CCDC148: variants seen among roughly 807,000 people sequenced by gnomAD.
CCDC148 encodes coiled-coil domain containing 148.
Under a neutral mutation model 85.7 loss-of-function variants are expected in CCDC148, and 89 were observed. The observed-to-expected ratio is 1.04, with a 90% CI of 0.87 to 1.24. The LOEUF (loss-of-function observed/expected upper bound fraction) is 1.24. CCDC148 is among the 50% of genes most tolerant of loss of function. CCDC148 has a pLI of 0.00. For missense variants in CCDC148, 692 were observed against 671.7 expected (o/e 1.03, Z -0.33); for synonymous variants, 230 against 213.9 (o/e 1.08, Z -0.66).
At chr2:158,246,348 G>C (rs531244071) in intron 10 of CCDC148, among the ~76,000 whole-genome samples, 1 of 152,292 alleles carries the variant, frequency 6.6e-6, no homozygotes, top group East Asian at 1.9e-4. Context: ...TTAAAACAAA[G>C]ATAATCTAGG....
At chr2:158,298,894 G>A (rs1414192377) in intron 9 of CCDC148, among the ~76,000 whole-genome samples, 1 of 151,882 alleles carries the variant, frequency 6.6e-6, no homozygotes, top group Non-Finnish European at 1.5e-5. Flanking sequence ...TGATTTTCCT[G>A]TTTCTTTGAG....
At chr2:158,366,400 C>A (rs1684205487) in intron 1 of CCDC148, among the ~76,000 whole-genome samples, 1 of 151,924 alleles carries the variant, frequency 6.6e-6, no homozygotes, top group Non-Finnish European at 1.5e-5. Flanking sequence ...AAGAAATTAC[C>A]TAAATTGAAG....
chr2:158,317,496 A>G (rs1692335302), intron 7 of CCDC148, among the ~76,000 whole-genome samples: 2 of 152,212 alleles, frequency 1.3e-5, no homozygotes, highest in East Asian at 1.9e-4. Flanking sequence ...GACAAAACAG[A>G]TAATTCAGAA....
At chr2:158,294,093 C>T (rs1254573535) in intron 9 of CCDC148, among the ~76,000 whole-genome samples, 1 of 147,576 alleles carries the variant, frequency 6.8e-6, no homozygotes, top group Non-Finnish European at 1.5e-5. Flanking sequence ...CCATCCCCAC[C>T]CCGCCAAGTC....
intron 10 of CCDC148, among the ~76,000 whole-genome samples, chr2:158,237,898 T>C (rs1417839809): frequency 1.3e-5 from 2 of 152,076 alleles, no homozygotes; most frequent in Admixed American, 6.6e-5. Flanking sequence ...AAAGAAAGAA[T>C]GGCTTCCTAG....
intron 10 of CCDC148, among the ~76,000 whole-genome samples, chr2:158,228,502 T>A (rs10193870): frequency 0.064 from 9,774 of 152,168 alleles, 993 homozygotes; most frequent in African/African-American, 0.22. Flanking sequence ...TAAAGACACA[T>A]GCATACGTAT....
At chr2:158,215,313 A>G (rs1686791003) in intron 11 of CCDC148, among the ~76,000 whole-genome samples, 3 of 152,208 alleles carry the variant, frequency 2.0e-5, no homozygotes, top group Admixed American at 2.0e-4. Context: ...ATACTATTTT[A>G]AAAGAATTAG....
At chr2:158,439,117 C>T (rs1289901942) in intron 1 of CCDC148, among the ~76,000 whole-genome samples, 1 of 152,132 alleles carries the variant, frequency 6.6e-6, no homozygotes, top group Non-Finnish European at 1.5e-5. Context: ...CCAGCCATCC[C>T]ATTACTGGGT....
chr2:158,244,796 C>G (rs1688501420), intron 10 of CCDC148, among the ~76,000 whole-genome samples: 1 of 152,106 alleles, frequency 6.6e-6, no homozygotes, highest in South Asian at 2.1e-4. Flanking sequence ...CAGGCCACGG[C>G]TGGAGGGTGA....
Position 158,339,049 on chromosome 2 carries a change from C to T in CCDC148, c.523G>A (p.Glu175Lys), listed in dbSNP as rs747632099. 1.9e-5 allele frequency: 30 copies of T among 1,613,750 alleles called. No individual in the cohort carries two copies. In the South Asian group the frequency reaches 3.2e-4, roughly 17 times the overall value. The change falls in exon 6 of 14, where the codon GAA becomes AAA. Residue 175 changes from glutamate to lysine, a missense_variant. Glu to Lys is a moderately conservative substitution (Grantham distance 56, BLOSUM62 1). Transcript: ENST00000283233. Reference protein sequence around the residue: ...FVKKQLKTVFERLRLEQQRIE... With the variant: ...FVKKQLKTVFKRLRLEQQRIE... Reference sequence around the variant, plus strand: ...CTCTGTTGCTCCAGCCTAAGTCTTTCAAAGACAGTTTTCAATTGTTTCTTC... The same window carrying T: ...CTCTGTTGCTCCAGCCTAAGTCTTTTAAAGACAGTTTTCAATTGTTTCTTC...
At chr2:158,180,923 T>C (rs1558961716) in intron 11 of CCDC148, among the ~76,000 whole-genome samples, 1 of 152,058 alleles carries the variant, frequency 6.6e-6, no homozygotes, top group Admixed American at 6.6e-5. Flanking sequence ...TCAAGACACA[T>C]AGATTAAAGA....
At chr2:158,339,955 G>C (rs1682591241) in intron 5 of CCDC148, among the ~76,000 whole-genome samples, 1 of 152,104 alleles carries the variant, frequency 6.6e-6, no homozygotes, top group African/African-American at 2.4e-5. Context: ...CCCTGTGCTG[G>C]GGTAAGATCC....
chr2:158,304,601 A>C (rs1691595712), intron 9 of CCDC148, among the ~76,000 whole-genome samples: 1 of 152,180 alleles, frequency 6.6e-6, no homozygotes, highest in Non-Finnish European at 1.5e-5. Flanking sequence ...ATAGGGCACA[A>C]AAAAGATTGA....
intron 8 of CCDC148, among the ~76,000 whole-genome samples, chr2:158,313,008 T>A (rs1391126025): frequency 6.6e-6 from 1 of 152,214 alleles, no homozygotes; most frequent in African/African-American, 2.4e-5. Context: ...TTTAAAACAA[T>A]TACAAAAATG....
At chr2:158,262,500 T>A (rs1689274119) in intron 9 of CCDC148, among the ~76,000 whole-genome samples, 1 of 151,936 alleles carries the variant, frequency 6.6e-6, no homozygotes, top group Non-Finnish European at 1.5e-5. Flanking sequence ...CATGTACCCC[T>A]GTATTAGTCT....
chr2:158,266,868 GTATTTACATATATATATATT>G (rs1223314418), intron 9 of CCDC148, among the ~76,000 whole-genome samples: 18 of 144,892 alleles, frequency 1.2e-4, no homozygotes, highest in African/African-American at 4.0e-4. Context: ...GTGTGTGTGT[GTATTTACATATATATATATT>G]TATTTACATA....
At chr2:158,189,352 ATGTGTAAGGAAATC>A (rs1410581843) in intron 11 of CCDC148, among the ~76,000 whole-genome samples, 1 of 151,884 alleles carries the variant, frequency 6.6e-6, no homozygotes, top group Non-Finnish European at 1.5e-5. Flanking sequence ...CACATCTTCT[ATGTGTAAGGAAATC>A]TGTGTCTTTT....
chr2:158,294,115 C>T (rs956200436), intron 9 of CCDC148, among the ~76,000 whole-genome samples: 3 of 148,550 alleles, frequency 2.0e-5, no homozygotes, highest in Non-Finnish European at 4.5e-5. Context: ...TCTGCAAAGA[C>T]TGATTTATTT....
chr2:158,242,833 C>T (rs1688409433), intron 10 of CCDC148, among the ~76,000 whole-genome samples: 1 of 152,066 alleles, frequency 6.6e-6, no homozygotes, highest in African/African-American at 2.4e-5. Flanking sequence ...TGCTCTCCTT[C>T]TATTGAGCCT....
Sources: allele counts gnomAD v4.1 joint callset (sites outside exome capture counted in the v4.1 genomes callset), GRCh38; gene constraint gnomAD v4.1.1; transcripts MANE v1.5; gene names NCBI Gene and HGNC (gene_info 2026-07-23, HGNC 2026-07-21).